INSC: variants seen among roughly 807,000 people sequenced by gnomAD.
INSC encodes the protein protein inscuteable homolog.
INSC carries 67 observed loss-of-function variants against 58.6 expected under a neutral mutation model. The observed-to-expected ratio is 1.14, with a 90% CI of 0.94 to 1.40. The LOEUF (loss-of-function observed/expected upper bound fraction) is 1.40, where lower values mean the gene tolerates loss of function less well. INSC is among the 40% of genes most tolerant of loss of function. The pLI is 0.00. For synonymous variants in INSC, 262 were observed against 276.1 expected (o/e 0.95, Z 0.51); for missense variants, 714 against 692.0 (o/e 1.03, Z -0.36).
chr11:15,115,562 G>A (rs1048233354), intron 1 of INSC, among the ~76,000 whole-genome samples: 1 of 152,174 alleles, frequency 6.6e-6, no homozygotes, highest in Admixed American at 6.5e-5. Context: ...ACACAACACT[G>A]GAGTGAATGT....
chr11:15,151,022 G>T (rs1340762657), intron 2 of INSC, among the ~76,000 whole-genome samples: 1 of 152,156 alleles, frequency 6.6e-6, no homozygotes, highest in Non-Finnish European at 1.5e-5. Flanking sequence ...AGGAGAGAAG[G>T]TCTCTCTAGA....
chr11:15,178,942 T>C lies in INSC; in HGVS notation c.579+495T>C, dbSNP rs189801606. Among the ~76,000 whole-genome samples the C allele has an allele frequency of 2.8e-3, 431 of 152,324 alleles. 1 individual carries two copies. The highest frequency in any genetic ancestry group is 4.5e-3 in the Non-Finnish European group (308 of 68,024). On this transcript the variant is annotated intron_variant, in intron 5 of 12. Coordinates refer to ENST00000379556, the MANE Select transcript of INSC (RefSeq NM_001042536.3). ...ATGGGTCCTTACTATCCTGAAAGAATTGAGGCACCTGCAGGGAATAAGCTA... is the reference window on the plus strand; with the variant it reads ...ATGGGTCCTTACTATCCTGAAAGAACTGAGGCACCTGCAGGGAATAAGCTA...
At chr11:15,219,647 G>GT (rs1851361686) in intron 7 of INSC, among the ~76,000 whole-genome samples, 2 of 152,160 alleles carry the variant, frequency 1.3e-5, no homozygotes. Flanking sequence ...CAAGTTACTG[G>GT]TTTGGGTCCG....
At chr11:15,240,144 C>T (rs564573215) in intron 11 of INSC, among the ~76,000 whole-genome samples, 8 of 152,148 alleles carry the variant, frequency 5.3e-5, no homozygotes, top group South Asian at 4.2e-4. Context: ...ATTTTAGCCA[C>T]AGTATATTTT....
chr11:15,260,134 C>A, the INSC span, among the ~76,000 whole-genome samples: 205 of 152,238 alleles, frequency 1.3e-3, 2 homozygotes, highest in African/African-American at 4.7e-3. Context: ...GAGGCCGACC[C>A]ACATCCACAA....
At chr11:15,140,643 A>G (rs535855779) in intron 1 of INSC, among the ~76,000 whole-genome samples, 7 of 151,050 alleles carry the variant, frequency 4.6e-5, no homozygotes, top group African/African-American at 9.7e-5. Flanking sequence ...CAGTGGCATA[A>G]TCATAGCTCA....
At chr11:15,234,546 C>A (rs544344597) in intron 9 of INSC, among the ~76,000 whole-genome samples, 3 of 152,260 alleles carry the variant, frequency 2.0e-5, no homozygotes, top group East Asian at 3.9e-4. Flanking sequence ...GCTGTCTCAG[C>A]GGAGGGGGGA....
downstream of INSC, among the ~76,000 whole-genome samples, chr11:15,251,609 CCAAAGGAGGCAT>C (rs1319770486): frequency 6.6e-6 from 1 of 152,098 alleles, no homozygotes; most frequent in African/African-American, 2.4e-5. Context: ...AGATATCTCT[CCAAAGGAGGCAT>C]AGAAATGGTA....
intron 12 of INSC, 21 bp from the exon 13 acceptor site, chr11:15,245,891 C>T (rs746712335): frequency 1.2e-6 from 2 of 1,611,150 alleles, no homozygotes; most frequent in Non-Finnish European, 1.7e-6. Context: ...ACACGTGTCA[C>T]CTCTTCTGTC....
intron 12 of INSC, among the ~76,000 whole-genome samples, chr11:15,241,869 T>A (rs528573605): frequency 2.6e-5 from 4 of 152,202 alleles, no homozygotes; most frequent in African/African-American, 9.7e-5. Flanking sequence ...AGTATTGTCA[T>A]CTTGACTCAT....
chr11:15,225,870 T>A, intron 9 of INSC, 42 bp downstream of exon 9: 1 of 1,580,534 alleles, frequency 6.3e-7, no homozygotes, highest in Non-Finnish European at 8.6e-7. Context: ...CCCATAGCCA[T>A]GGAGACAGAA....
chr11:15,154,989 C>A (rs531282324), intron 2 of INSC, among the ~76,000 whole-genome samples: 1 of 152,254 alleles, frequency 6.6e-6, no homozygotes, highest in African/African-American at 2.4e-5. Flanking sequence ...CTAAAATGTG[C>A]CCTGTTCAGG....
the INSC span, among the ~76,000 whole-genome samples, chr11:15,257,080 C>T: frequency 6.6e-6 from 1 of 152,030 alleles, no homozygotes; most frequent in East Asian, 1.9e-4. Context: ...CTCTTATTGC[C>T]TGCTATTTCC....
At chr11:15,114,802 G>C (rs1005052553), upstream of INSC, 23 of 285,982 alleles carry the variant, frequency 8.0e-5, no homozygotes, top group African/African-American at 5.1e-4. Flanking sequence ...CAGGGAGCGC[G>C]CTGCTGTGGA....
chr11:15,229,983 A>T (rs1222441156), intron 9 of INSC, among the ~76,000 whole-genome samples: 2 of 23,740 alleles, frequency 8.4e-5, no homozygotes, highest in South Asian at 1.3e-3. Context: ...TATATATTAT[A>T]TATATATATA....
chr11:15,150,158 C>T (rs184634192), intron 2 of INSC, among the ~76,000 whole-genome samples: 6 of 152,276 alleles, frequency 3.9e-5, no homozygotes, highest in Non-Finnish European at 7.3e-5. Flanking sequence ...CTAGCCAGAA[C>T]ACTGAGGGAA....
intron 10 of INSC, among the ~76,000 whole-genome samples, chr11:15,235,929 G>A (rs575987209): frequency 5.3e-5 from 8 of 151,930 alleles, no homozygotes; most frequent in South Asian, 4.2e-4. Flanking sequence ...GGTGGTGGGC[G>A]CCTGTAATCT....
upstream of INSC, among the ~76,000 whole-genome samples, chr11:15,113,733 C>T (rs1473956763): frequency 6.6e-6 from 1 of 152,042 alleles, no homozygotes; most frequent in African/African-American, 2.4e-5. Flanking sequence ...GCCCTGGGCC[C>T]CCAGAGAGCT....
Position 15,124,551 on chromosome 11 carries a change from A to G in INSC, c.-46+9548A>G, listed in dbSNP as rs144366779. ...AGGTGATGCTTTTGTTTTCTTCTTC[A>G]TTTTAGACTATGATTGCACTTTGGC... is the stretch of plus-strand genomic sequence containing the variant. On this transcript the variant is annotated intron_variant, in intron 1 of 12. Transcript: ENST00000379556. 4.1e-4 allele frequency among the ~76,000 whole-genome samples: 62 copies of G among 152,272 alleles called. No individual in the cohort carries two copies. The East Asian group carries it at 0.012, about 28-fold the overall frequency.
Sources: gnomAD v4.1 joint callset for allele counts (sites outside exome capture counted in the v4.1 genomes callset) on GRCh38, gnomAD v4.1.1 for gene constraint, MANE v1.5 for transcripts, NCBI Gene and HGNC (gene_info 2026-07-23, HGNC 2026-07-21) for gene names.